Variants in CDAN1 observed in about 807,000 individuals in gnomAD.
The protein encoded by CDAN1 is codanin 1.
A neutral mutation model predicts 139.8 loss-of-function variants in CDAN1; 107 were observed. The observed-to-expected ratio is 0.77, with a 90% CI of 0.65 to 0.90. CDAN1 has a LOEUF of 0.90. CDAN1 is among the 40% of genes least tolerant of loss of function. The probability of loss-of-function intolerance (pLI) is 0.00; values close to 1 mark genes in which losing one functional copy is unlikely to be tolerated. For synonymous variants in CDAN1, 776 were observed against 660.6 expected, an observed-to-expected ratio of 1.17 and a Z score of -2.68; for missense variants, 1,667 against 1,575.7, an observed-to-expected ratio of 1.06 and a Z score of -0.98.
Position 42,725,590 on chromosome 15 carries a change from G to T in CDAN1, c.3349C>A (p.Leu1117Met). ...AAGTCTTCCTTCCACAAGGAAAGCA[G>T]CATGTGCAGAAGCCTTCGAGCCTGC... ...RGQARRLLHM[L>M]LSLWKEDFQG... Residue 1117 changes from leucine (L) to methionine (M), a missense_variant, in exon 26 of 28, where the codon CTG becomes ATG. Physicochemically the swap from Leu to Met is conservative, Grantham distance 15 (BLOSUM62 2). This residue lies in a region of CDAN1 where 936 missense variants were observed against 844.1 expected (regional missense o/e 1.11). Coordinates refer to ENST00000356231, the MANE Select transcript of CDAN1 (RefSeq NM_138477.4). 6.2e-7 allele frequency: 1 copy of T among 1,614,218 alleles called. No homozygotes were observed. Among genetic ancestry groups the T allele is most frequent in the Non-Finnish European group, 8.5e-7 (1 of 1,180,038 alleles).
At chr15:42,735,000 C>T (rs774365665) in intron 6 of CDAN1, 100 bp downstream of exon 6, 3 of 798,474 alleles carry the variant, frequency 3.8e-6, no homozygotes, top group Non-Finnish European at 6.6e-6. Flanking sequence ...AGGTCCAGGA[C>T]CACTGCCCCT....
In CDAN1 at chr15:42,733,092, C is replaced by A. The variant is rs1453248808; in HGVS notation, c.1457+5G>T. Reference sequence around the variant, plus strand: ...GAACAAGAAAGACAAGGTCTGAGCACCCACCTGATTCTGCTGCCCAAGCCC... The same window carrying A: ...GAACAAGAAAGACAAGGTCTGAGCAACCACCTGATTCTGCTGCCCAAGCCC... On this transcript the variant is annotated splice_donor_5th_base_variant and intron_variant, in intron 9 of 27. Coordinates refer to ENST00000356231, the MANE Select transcript of CDAN1 (RefSeq NM_138477.4). 1 of 1,613,590 alleles carries A rather than the reference C, an allele frequency of 6.2e-7. No individual in the cohort carries two copies. Among genetic ancestry groups the A allele is most frequent in the Non-Finnish European group, 8.5e-7 (1 of 1,179,642 alleles).
In CDAN1 at chr15:42,727,965, G is replaced by A. The variant is rs781767396; in HGVS notation, c.2937C>T (p.Ala979=). 20 of 1,613,866 alleles carry A rather than the reference G, an allele frequency of 1.2e-5. No homozygotes were observed. The Admixed American group carries it at 3.0e-4, about 24-fold the overall frequency. Residue 979 remains alanine (A), a synonymous_variant, in exon 22 of 28, where the codon GCC becomes GCT. Coordinates refer to ENST00000356231, the MANE Select transcript of CDAN1 (RefSeq NM_138477.4). ...ATEKACAWLS[A]NITALIRREV... The stretch of plus-strand genomic sequence containing the variant: ...CATCCAGGACCTTACCTGTGATGTT[G>A]GCTGACAGCCAAGCACAGGCTTTCT...
At position 42,736,011 on chromosome 15, in the gene CDAN1, T is replaced by A; in HGVS notation, c.637A>T (p.Thr213Ser). The change falls in exon 3 of 28, where the codon ACC becomes TCC. Residue 213 changes from threonine to serine, a missense_variant. Thr to Ser is a moderately conservative substitution (Grantham distance 58). This residue lies in a region of CDAN1 where 487 missense variants were observed against 422.2 expected (regional missense o/e 1.15). Coordinates refer to ENST00000356231, the MANE Select transcript of CDAN1 (RefSeq NM_138477.4). ...CTGATTGGGGGTGAGGTGAAGCAGG[T>A]CTTGGGCTTGGAGAGTGACCGCTCT... is the stretch of plus-strand genomic sequence containing the variant. ...SEERSLSKPK[T>S]CFTSPPISCV... is the part of the protein sequence containing the mutation. 6.2e-7 allele frequency: 1 copy of A among 1,614,114 alleles called. No individual in the cohort carries two copies. Among genetic ancestry groups the A allele is most frequent in the Non-Finnish European group, 8.5e-7 (1 of 1,180,002 alleles).
chr15:42,729,916 T>C, intron 15 of CDAN1, 31 bp from the exon 16 acceptor site: 1 of 1,573,998 alleles, frequency 6.4e-7, no homozygotes, highest in Non-Finnish European at 8.7e-7. Context: ...CAGGTCAACT[T>C]CAGAGACCCC....
rs747935657 is a variant in CDAN1, at chr15:42,728,210, C to T, written c.2862G>A (p.Pro954=). The T allele has an allele frequency of 1.8e-5, 29 of 1,613,586 alleles. No homozygotes were observed. Among genetic ancestry groups the T allele is most frequent in the Admixed American group, 1.0e-4 (6 of 60,010 alleles). Residue 954 remains proline, a synonymous_variant, in exon 21 of 28, where the codon CCG becomes CCA. Coordinates refer to ENST00000356231, the MANE Select transcript of CDAN1 (RefSeq NM_138477.4). ...AGGCCTCCCTCACACGTACGGCTGC[C>T]GGGGTCTCCTCTGGAAGCAGCGCCC... The part of the protein sequence containing the change: ...AVRALLPEET[P]AAVLSSAENI...
chr15:42,731,618 AC>A lies in CDAN1; in HGVS notation c.1739+1del. ...TTCCTTGCAAGACACAGGGGAGCCTACCTGCTGGCACTAAGGATGAAGTCCC... is the reference window on the plus strand; with the variant it reads ...TTCCTTGCAAGACACAGGGGAGCCTACTGCTGGCACTAAGGATGAAGTCCC... On this transcript the variant is annotated splice_donor_variant, in intron 11 of 27. Transcript: ENST00000356231. LOFTEE classifies it high-confidence loss of function. 6.2e-7 allele frequency: 1 copy of A among 1,613,906 alleles called. No individual in the cohort carries two copies. Among genetic ancestry groups the A allele is most frequent in the Non-Finnish European group, 8.5e-7 (1 of 1,179,926 alleles).
chr15:42,725,389 G>A (rs893090562), intron 26 of CDAN1, 100 bp downstream of exon 26: 6 of 1,514,868 alleles, frequency 4.0e-6, no homozygotes, highest in African/African-American at 1.4e-5. Context: ...TGTGGAACAG[G>A]AAGGGGAAAT....
intron 24 of CDAN1, 37 bp from the exon 25 acceptor site, chr15:42,726,197 T>C (rs1291071023): frequency 1.9e-6 from 3 of 1,609,612 alleles, no homozygotes; most frequent in Admixed American, 1.7e-5. Flanking sequence ...AGACCATAGG[T>C]ATCACCATGC....
In CDAN1 at chr15:42,726,365, G is replaced by A. The variant is rs774154290; in HGVS notation, c.3149C>T (p.Pro1050Leu). Residue 1050 changes from proline (P) to leucine (L), a missense_variant, in exon 24 of 28, where the codon CCA (proline) becomes CTA (leucine). Physicochemically the swap from Pro to Leu is moderately conservative, Grantham distance 98. This residue lies in a region of CDAN1 where 936 missense variants were observed against 844.1 expected (regional missense o/e 1.11). Transcript: ENST00000356231. ...GPRDPDEGVS[P>L]EHLEQLLGQL... ...GCCTAGGAGCTGTTCCAGATGCTCT[G>A]GGGAGACTCCCTCGTCAGGGTCCCG... 4.4e-6 allele frequency: 7 copies of A among 1,598,590 alleles called. No individual in the cohort carries two copies. The South Asian group carries it at 7.9e-5, about 18-fold the overall frequency.
chr15:42,733,442 A>G (rs1156665122), intron 8 of CDAN1, among the ~76,000 whole-genome samples: 1 of 152,026 alleles, frequency 6.6e-6, no homozygotes, highest in Non-Finnish European at 1.5e-5. Flanking sequence ...ACGCCTGGCT[A>G]ATTTTTGTAT....
At position 42,724,097 on chromosome 15, in the gene CDAN1, A is replaced by ATAAGT. The variant is rs1355692954; in HGVS notation, c.*389_*393dup. 3.4e-6 allele frequency: 1 copy of ATAAGT among 295,418 alleles called. No homozygotes were observed. 18.3% of individuals were successfully genotyped at this position (295,418 alleles called of 1,614,324 possible). On this transcript the variant is annotated 3_prime_UTR_variant, in exon 28 of 28. Transcript: ENST00000356231. ...CAAGATTCATGTTTTAACTTTCTTC[A>ATAAGT]TAAGTTAAGCAGGAGTCATTTGCCT...
At chr15:42,727,594 G>A (rs2061546529) in intron 23 of CDAN1, 27 bp downstream of exon 23, 2 of 1,516,142 alleles carry the variant, frequency 1.3e-6, no homozygotes, top group South Asian at 1.3e-5. Flanking sequence ...GAGCAGGGAA[G>A]CCAAAGGGAG....
chr15:42,735,979 G>A lies in CDAN1; in HGVS notation c.669C>T (p.Val223=), dbSNP rs749591170. The A allele has an allele frequency of 3.7e-6, 6 of 1,614,200 alleles. No individual in the cohort carries two copies. The South Asian group carries it at 6.6e-5, about 18-fold the overall frequency. The part of the protein sequence containing the change: ...TCFTSPPISC[V]PSSQPSALDT... ...CCAGGGCTGAGGGTTGGGAACTGGGGACACAGCTGATTGGGGGTGAGGTGA... is the reference window on the plus strand; with the variant it reads ...CCAGGGCTGAGGGTTGGGAACTGGGAACACAGCTGATTGGGGGTGAGGTGA... Residue 223 remains valine (V), a synonymous_variant, in exon 3 of 28, where the codon GTC becomes GTT. Coordinates refer to ENST00000356231, the MANE Select transcript of CDAN1 (RefSeq NM_138477.4).
At chr15:42,725,092 G>A in intron 27 of CDAN1, 52 bp downstream of exon 27, 1 of 1,440,684 alleles carries the variant, frequency 6.9e-7, no homozygotes, top group Non-Finnish European at 9.8e-7. Context: ...CAGGACAGAT[G>A]GGATATGTAA....
intron 15 of CDAN1, 24 bp downstream of exon 15, chr15:42,730,104 A>G (rs973249280): frequency 3.1e-6 from 5 of 1,607,252 alleles, no homozygotes; most frequent in Non-Finnish European, 2.6e-6. Context: ...ACCTCTCTCC[A>G]ATCTGGACCC....
intron 1 of CDAN1, 108 bp downstream of exon 1, chr15:42,736,905 C>T: frequency 6.8e-7 from 1 of 1,470,876 alleles, no homozygotes; most frequent in Non-Finnish European, 9.0e-7. Context: ...TTGGAGTGCA[C>T]TCGGCCCGGC....
chr15:42,725,287 A>G (rs1234674172), intron 26 of CDAN1, 36 bp from the exon 27 acceptor site: 1 of 1,584,308 alleles, frequency 6.3e-7, no homozygotes, highest in Admixed American at 1.7e-5. Flanking sequence ...TGCTAGGAGG[A>G]CGACAGAGTG....
intron 15 of CDAN1, 37 bp from the exon 16 acceptor site, chr15:42,729,922 A>ACGGGGCCCCCC: frequency 2.1e-5 from 32 of 1,512,896 alleles, no homozygotes; most frequent in East Asian, 4.7e-5. Flanking sequence ...AACTTCAGAG[A>ACGGGGCCCCCC]CCCCCACCCA....
Sources: allele counts gnomAD v4.1 joint callset (sites outside exome capture counted in the v4.1 genomes callset), GRCh38; gene constraint gnomAD v4.1.1; regional missense constraint gnomAD v4.1.1; transcripts MANE v1.5; gene names NCBI Gene and HGNC (gene_info 2026-07-23, HGNC 2026-07-21).